The following KIF9 variants were observed in gnomAD, a reference collection of about 807,000 sequenced individuals.
KIF9 encodes kinesin family member 9.
Under a neutral mutation model 94.8 loss-of-function variants are expected in KIF9, and 68 were observed. The ratio of observed to expected loss-of-function variants is 0.72; its 90% CI spans 0.59 to 0.88. KIF9 has a LOEUF of 0.88. Ranked by LOEUF, KIF9 falls within the 40% of genes least tolerant of loss-of-function variation. The pLI is 0.00. For missense variants in KIF9, 882 were observed against 982.5 expected (o/e 0.90, Z 1.37); for synonymous variants, 343 against 362.1 (o/e 0.95, Z 0.60).
chr3:47,276,555 CA>C (rs752825599), intron 2 of KIF9, among the ~76,000 whole-genome samples: 206 of 58,718 alleles, frequency 3.5e-3, no homozygotes, highest in South Asian at 8.5e-3. Flanking sequence ...GACTCTGTCT[CA>C]AAAAAAAAAA....
At chr3:47,282,418 C>T (rs1261842162) in intron 1 of KIF9, 77 bp downstream of exon 1, 7 of 986,236 alleles carry the variant, frequency 7.1e-6, no homozygotes, top group Non-Finnish European at 8.4e-6. Flanking sequence ...GTTTTTGGAC[C>T]CCAGCCACTT....
At chr3:47,247,571 C>T in intron 11 of KIF9, 94 bp from the exon 12 acceptor site, 1 of 982,074 alleles carries the variant, frequency 1.0e-6, no homozygotes, top group Non-Finnish European at 1.6e-6. Context: ...AGTGGGGAGG[C>T]TGGGCACAGG....
chr3:47,265,031 T>C (rs1701206436), intron 8 of KIF9, among the ~76,000 whole-genome samples: 1 of 152,238 alleles, frequency 6.6e-6, no homozygotes, highest in South Asian at 2.1e-4. Flanking sequence ...TCCAGAACTA[T>C]GTGAAATAAA....
intron 14 of KIF9, chr3:47,245,142 G>A (rs912963199): frequency 2.4e-5 from 15 of 616,284 alleles, no homozygotes; most frequent in Non-Finnish European, 4.0e-5. Context: ...TCACCAGTAT[G>A]GCACCTCATT....
At chr3:47,272,649 TTTAG>T (rs1247472949) in intron 4 of KIF9, among the ~76,000 whole-genome samples, 22 of 152,282 alleles carry the variant, frequency 1.4e-4, no homozygotes, top group African/African-American at 4.8e-4. Context: ...TTTAAATATA[TTTAG>T]TTAAATAAAA....
chr3:47,279,753 A>G (rs1702213932), intron 1 of KIF9, among the ~76,000 whole-genome samples: 1 of 151,594 alleles, frequency 6.6e-6, no homozygotes, highest in Non-Finnish European at 1.5e-5. Context: ...AGTAGCTGGG[A>G]CTACAGGCGC....
chr3:47,230,528 T>C (rs1388621685), intron 20 of KIF9, among the ~76,000 whole-genome samples: 2 of 145,994 alleles, frequency 1.4e-5, no homozygotes, highest in East Asian at 2.0e-4. Flanking sequence ...AGGTCGGGAG[T>C]TCGAGACCAG....
intron 1 of KIF9, chr3:47,281,216 A>G: frequency 1.8e-6 from 1 of 567,760 alleles, no homozygotes. Flanking sequence ...CCCAAGGGGC[A>G]TATGATGTCA....
intron 20 of KIF9, among the ~76,000 whole-genome samples, chr3:47,234,549 A>G (rs1698868574): frequency 7.6e-6 from 1 of 130,734 alleles, no homozygotes; most frequent in African/African-American, 2.9e-5. Context: ...CACTGTGCCC[A>G]GCATTTTTTT....
At chr3:47,277,452 TAAG>T (rs1304545614) in intron 1 of KIF9, 73 bp from the exon 2 acceptor site, 4 of 1,011,444 alleles carry the variant, frequency 4.0e-6, no homozygotes, top group East Asian at 2.5e-5. Flanking sequence ...GGTCATTCAT[TAAG>T]AAGATCAGAA....
intron 2 of KIF9, among the ~76,000 whole-genome samples, chr3:47,275,725 T>C (rs532650187): frequency 4.6e-5 from 7 of 152,330 alleles, no homozygotes; most frequent in African/African-American, 1.7e-4. Flanking sequence ...TTTTAGCACC[T>C]CTAACCCTAG....
chr3:47,259,675 G>A (rs953063765), intron 9 of KIF9, among the ~76,000 whole-genome samples: 2 of 148,714 alleles, frequency 1.3e-5, no homozygotes, highest in East Asian at 2.0e-4. Flanking sequence ...CCCCAACCCC[G>A]TGCTCTCTGA....
intron 9 of KIF9, among the ~76,000 whole-genome samples, chr3:47,262,319 C>G (rs996432984): frequency 2.7e-5 from 4 of 150,938 alleles, no homozygotes; most frequent in Non-Finnish European, 4.4e-5. Flanking sequence ...TGCTCTGTCA[C>G]CCAGGTTGGA....
At chr3:47,280,894 T>C in intron 1 of KIF9, 1 of 703,034 alleles carries the variant, frequency 1.4e-6, no homozygotes. Context: ...GTGAGCCTGC[T>C]ACTCAGCAGC....
intron 5 of KIF9, among the ~76,000 whole-genome samples, chr3:47,268,448 T>G (rs1291973966): frequency 1.3e-5 from 2 of 152,172 alleles, no homozygotes; most frequent in Non-Finnish European, 2.9e-5. Flanking sequence ...CCTGAGGCTG[T>G]GGAGCAAGCC....
At chr3:47,238,407 C>G (rs565302435) in intron 17 of KIF9, 1 of 151,960 alleles carries the variant, frequency 6.6e-6, no homozygotes, top group African/African-American at 2.4e-5. Flanking sequence ...TTTGTAGAGA[C>G]GGGGTCTCAC....
At position 47,257,562 on chromosome 3, in the gene KIF9, T is replaced by A. The variant is rs1306320547; in HGVS notation, c.982-2A>T. 6.2e-7 allele frequency: 1 copy of A among 1,613,058 alleles called. No homozygotes were observed. Among genetic ancestry groups the A allele is most frequent in the South Asian group, 1.1e-5 (1 of 91,084 alleles). On this transcript the variant is annotated splice_acceptor_variant, in intron 9 of 20. Transcript: ENST00000684063. LOFTEE classifies it high-confidence loss of function. ...GCTGGCAAATCTCAGTGAAGATAGC[T>A]GCAAAACAGAGCAGGTAGACATTAG... is the stretch of plus-strand genomic sequence containing the variant.
At chr3:47,235,065 G>A (rs917354882) in intron 20 of KIF9, among the ~76,000 whole-genome samples, 9 of 152,322 alleles carry the variant, frequency 5.9e-5, no homozygotes, top group African/African-American at 2.2e-4. Context: ...TCCAGACAAG[G>A]CCTTAGTAGA....
At position 47,228,643 on chromosome 3, in the gene KIF9, G is replaced by A. The variant is rs761902464; in HGVS notation, c.*9C>T. The A allele has an allele frequency of 8.7e-6, 14 of 1,611,832 alleles. No individual in the cohort carries two copies. Among genetic ancestry groups the A allele is most frequent in the Admixed American group, 8.3e-5 (5 of 59,984 alleles). ...TGGTCTTGTCCTTTAAGGTACTGGC[G>A]ATGAGGTTCTATTTTCTATGTGCCT... On this transcript the variant is annotated 3_prime_UTR_variant, in exon 21 of 21. Coordinates refer to ENST00000684063, the MANE Select transcript of KIF9 (RefSeq NM_182902.4).
Sources: gnomAD v4.1 joint callset for allele counts (sites outside exome capture counted in the v4.1 genomes callset) on GRCh38, gnomAD v4.1.1 for gene constraint, MANE v1.5 for transcripts, NCBI Gene and HGNC (gene_info 2026-07-23, HGNC 2026-07-21) for gene names.